The following SCN1A variants were observed in gnomAD, a reference collection of about 807,000 sequenced individuals.
SCN1A encodes sodium channel protein type 1 subunit alpha.
SCN1A carries 13 observed loss-of-function variants against 193.7 expected under a neutral mutation model. The ratio of observed to expected loss-of-function variants is 0.07; its 90% CI spans 0.04 to 0.11. The LOEUF (loss-of-function observed/expected upper bound fraction) is 0.11, where lower values mean the gene tolerates loss of function less well. SCN1A is among the 10% of genes least tolerant of loss of function. The pLI, the probability that SCN1A is intolerant of heterozygous loss-of-function variation, is 1.00. For synonymous variants in SCN1A, 781 were observed against 843.6 expected, an observed-to-expected ratio of 0.93 and a Z score of 1.29; for missense variants, 1,432 against 2,451.1, an observed-to-expected ratio of 0.58 and a Z score of 8.78.
rs1339470921 is a variant in SCN1A at position 166,036,150 on chromosome 2, G to C, written c.3327C>G (p.Pro1109=). Residue 1109 remains proline, a synonymous_variant, in exon 19 of 29, where the codon CCC becomes CCG. Coordinates refer to ENST00000674923, the MANE Select transcript of SCN1A (RefSeq NM_001165963.4). The part of the protein sequence containing the change: ...ESDYMSFINN[P]SLTVTVPIAV... ...CAATTGGTACAGTCACAGTAAGACT[G>C]GGGTTGTTTATGAATGACATGTAAT... is the stretch of plus-strand genomic sequence containing the variant. 6.2e-7 allele frequency: 1 copy of C among 1,613,918 alleles called. No homozygotes were observed. The highest frequency in any genetic ancestry group is 1.1e-5 in the South Asian group (1 of 91,070).
chr2:166,137,117 A>G (rs1302004834), intron 1 of SCN1A, among the ~76,000 whole-genome samples: 1 of 152,106 alleles, frequency 6.6e-6, no homozygotes, highest in Non-Finnish European at 1.5e-5. Flanking sequence ...GGGCTCCAGC[A>G]TTTGTTGGGC....
chr2:165,989,737 T>C lies in SCN1A; in HGVS notation c.*1508A>G, dbSNP rs1026266453. On this transcript the variant is annotated 3_prime_UTR_variant, in exon 29 of 29. Transcript: ENST00000674923. Reference sequence around the variant, plus strand: ...ATGGACAGAAAGTAAGAAAAGTGATTGTGATATCAACCTGAAGATAATTTC... The same window carrying C: ...ATGGACAGAAAGTAAGAAAAGTGATCGTGATATCAACCTGAAGATAATTTC... 2.0e-5 allele frequency: 3 copies of C among 152,570 alleles called. No homozygotes were observed. The highest frequency in any genetic ancestry group is 4.4e-5 in the Non-Finnish European group (3 of 68,008). 9.5% of individuals were successfully genotyped at this position (152,570 alleles called of 1,614,324 possible).
chr2:166,087,801 G>C (rs1053570150), intron 2 of SCN1A, among the ~76,000 whole-genome samples: 4 of 152,218 alleles, frequency 2.6e-5, no homozygotes. Flanking sequence ...GGTTAGAGAT[G>C]TGGAGACTAT....
chr2:166,088,437 T>G (rs1029477264), intron 2 of SCN1A, among the ~76,000 whole-genome samples: 2 of 152,184 alleles, frequency 1.3e-5, no homozygotes, highest in African/African-American at 2.4e-5. Context: ...AAAAAATGCA[T>G]GCTTTTTTGG....
intron 1 of SCN1A, among the ~76,000 whole-genome samples, chr2:166,127,224 C>G (rs754722665): frequency 3.9e-5 from 6 of 152,140 alleles, no homozygotes; most frequent in Non-Finnish European, 7.3e-5. Flanking sequence ...CTTCCTTGTT[C>G]AAGGCATGAG....
chr2:166,096,767 T>C (rs1263145997), intron 2 of SCN1A, among the ~76,000 whole-genome samples: 1 of 152,216 alleles, frequency 6.6e-6, no homozygotes, highest in Non-Finnish European at 1.5e-5. Context: ...TCTATGCTAT[T>C]CTAGGTGACT....
At chr2:166,140,194 T>C (rs562488912) in intron 1 of SCN1A, among the ~76,000 whole-genome samples, 2 of 152,222 alleles carry the variant, frequency 1.3e-5, no homozygotes, top group Non-Finnish European at 1.5e-5. Flanking sequence ...CCAAAGTACC[T>C]AATCTTACCA....
chr2:166,143,315 T>C (rs1398159447), intron 1 of SCN1A, among the ~76,000 whole-genome samples: 7 of 151,772 alleles, frequency 4.6e-5, no homozygotes, highest in Non-Finnish European at 1.0e-4. Flanking sequence ...TACAGGCGCC[T>C]GCCACCACGC....
chr2:165,994,018 T>G, intron 28 of SCN1A, 128 bp downstream of exon 28: 1 of 796,226 alleles, frequency 1.3e-6, no homozygotes, highest in Non-Finnish European at 2.0e-6. Flanking sequence ...ACAAACACAC[T>G]TGGATAAAAT....
At position 165,987,988 on chromosome 2, in the gene SCN1A, G is replaced by C. The variant is rs1372590215; in HGVS notation, c.*3257C>G. On this transcript the variant is annotated 3_prime_UTR_variant, in exon 29 of 29. Coordinates refer to ENST00000674923, the MANE Select transcript of SCN1A (RefSeq NM_001165963.4). ...GATTGTGATGTTATGAAGAGGCAAA[G>C]TCAGTCCATTGTACAAGGATGGGAA... 6.6e-6 allele frequency: 1 copy of C among 152,094 alleles called. No homozygotes were observed. The highest frequency in any genetic ancestry group is 1.5e-5 in the Non-Finnish European group (1 of 68,018). The allele number at this position is 152,094 out of a possible 1,614,324, so 9.4% of individuals were successfully genotyped here. A position where few individuals can be genotyped will look rare whatever the true frequency, so the allele number is the denominator to read the frequency against.
At chr2:166,100,668 A>G (rs1266980061) in intron 2 of SCN1A, among the ~76,000 whole-genome samples, 2 of 147,266 alleles carry the variant, frequency 1.4e-5, no homozygotes, top group Admixed American at 1.4e-4. Context: ...ATTTACAAGA[A>G]AAAAACAACC....
rs200857966 is a variant in SCN1A, at chr2:166,001,786, TTAAA to T, written c.4284+682_4284+685del. 8.2e-3 allele frequency among the ~76,000 whole-genome samples: 1,235 copies of T among 151,444 alleles called. 21 individuals are homozygous for T. Among genetic ancestry groups the T allele is most frequent in the African/African-American group, 0.029 (1,183 of 41,408 alleles). On this transcript the variant is annotated intron_variant, in intron 24 of 28. Transcript: ENST00000674923. ...CATTAATATTTAGGACAAAATAGAC[TTAAA>T]TAATGGTGCTGAAAGGTCATTTGAG...
Position 166,041,480 on chromosome 2 carries a change from A to C in SCN1A, c.2177-11T>G. The C allele has an allele frequency of 3.6e-6, 3 of 844,070 alleles. No individual in the cohort carries two copies. The highest frequency in any genetic ancestry group is 4.8e-6 in the Non-Finnish European group (3 of 622,180). The allele number at this position is 844,070 out of a possible 1,614,324, so 52.3% of individuals were successfully genotyped here. On this transcript the variant is annotated splice_polypyrimidine_tract_variant and intron_variant, in intron 15 of 28. Coordinates refer to ENST00000674923, the MANE Select transcript of SCN1A (RefSeq NM_001165963.4). The stretch of plus-strand genomic sequence containing the variant: ...TGGATTCTTCAAGTTCTAGATTAAG[A>C]AAAAAAAAAAAAAGAACCACCAAAA...
chr2:166,113,575 A>AAAATG (rs1689531697), intron 2 of SCN1A, among the ~76,000 whole-genome samples: 1 of 151,802 alleles, frequency 6.6e-6, no homozygotes, highest in Non-Finnish European at 1.5e-5. Context: ...AATATAAAAT[A>AAAATG]ACAGGTGTGC....
rs113972994 is a variant in SCN1A at position 166,115,257 on chromosome 2, G to A, written c.-142+11667C>T. The stretch of plus-strand genomic sequence containing the variant: ...GCTTGTAGTCCCCGCCACTTGGGGG[G>A]CTGAGACAGGAGAATTGCTTGAACC... On this transcript the variant is annotated intron_variant, in intron 2 of 28. Transcript: ENST00000674923. Among the ~76,000 whole-genome samples the A allele has an allele frequency of 2.2e-3, 338 of 152,254 alleles. 1 individual carries two copies. The highest frequency in any genetic ancestry group is 8.0e-3 in the African/African-American group (331 of 41,542).
chr2:166,147,288 T>C (rs1692362314), intron 1 of SCN1A, among the ~76,000 whole-genome samples: 1 of 152,226 alleles, frequency 6.6e-6, no homozygotes, highest in African/African-American at 2.4e-5. Flanking sequence ...GTAATCTCAC[T>C]TTAACATAGA....
At chr2:166,035,777 C>G (rs1449914559) in intron 19 of SCN1A, among the ~76,000 whole-genome samples, 1 of 152,066 alleles carries the variant, frequency 6.6e-6, no homozygotes, top group Non-Finnish European at 1.5e-5. Context: ...GTTGTTTATC[C>G]TTGTAATCAC....
chr2:166,044,981 C>A (rs950758847), intron 13 of SCN1A, 62 bp downstream of exon 13: 15 of 1,465,012 alleles, frequency 1.0e-5, no homozygotes, highest in Non-Finnish European at 1.4e-5. Flanking sequence ...TTTTCTAATT[C>A]TCCCCCTCTC....
chr2:166,128,907 A>G (rs2106282579), upstream of SCN1A, among the ~76,000 whole-genome samples: 1 of 152,284 alleles, frequency 6.6e-6, no homozygotes, highest in South Asian at 2.1e-4. Context: ...TTTTTATGTT[A>G]TATATTGTAT....
Sources: allele counts gnomAD v4.1 joint callset (sites outside exome capture counted in the v4.1 genomes callset), GRCh38; gene constraint gnomAD v4.1.1; transcripts MANE v1.5; gene names NCBI Gene and HGNC (gene_info 2026-07-23, HGNC 2026-07-21).